The following PTPRT variants were observed in gnomAD, a reference collection of about 807,000 sequenced individuals.
PTPRT encodes receptor-type tyrosine-protein phosphatase T.
A neutral mutation model predicts 176.8 loss-of-function variants in PTPRT; 56 were observed. The ratio of observed to expected loss-of-function variants is 0.32; its 90% confidence interval spans 0.26 to 0.40. The LOEUF is 0.40. PTPRT is among the 10% of genes least tolerant of loss of function. The pLI is 1.00. For synonymous variants in PTPRT, 783 were observed against 739.0 expected (o/e 1.06, Z -0.96); for missense variants, 1,540 against 1,908.2 (o/e 0.81, Z 3.60).
In PTPRT at chr20:42,072,902, G is replaced by A. The variant is rs1395661646; in HGVS notation, c.*7977C>T. ...AGATTACACTTCACTGTAATGTACAGTCAAAAAATATATCTGATATTCATT... is the reference window on the plus strand; with the variant it reads ...AGATTACACTTCACTGTAATGTACAATCAAAAAATATATCTGATATTCATT... On this transcript the variant is annotated 3_prime_UTR_variant, in exon 31 of 31. Coordinates refer to ENST00000373187, the MANE Select transcript of PTPRT (RefSeq NM_007050.6). 4.5e-6 allele frequency: 1 copy of A among 223,124 alleles called. No individual in the cohort carries two copies. Among genetic ancestry groups the A allele is most frequent in the East Asian group, 6.5e-5 (1 of 15,360 alleles). The allele number at this position is 223,124 out of a possible 1,614,324, so 13.8% of individuals were successfully genotyped here.
intron 1 of PTPRT, among the ~76,000 whole-genome samples, chr20:42,938,053 A>G (rs1980305774): frequency 6.6e-6 from 1 of 152,208 alleles, no homozygotes; most frequent in African/African-American, 2.4e-5. Flanking sequence ...TTTATCAAAG[A>G]TCTTATCAAT....
intron 1 of PTPRT, among the ~76,000 whole-genome samples, chr20:43,005,500 G>A (rs1435083836): frequency 6.6e-6 from 1 of 152,056 alleles, no homozygotes. Context: ...TCTACTCCCT[G>A]GCCACTACAA....
chr20:43,131,785 G>C (rs1263485476), intron 1 of PTPRT, among the ~76,000 whole-genome samples: 1 of 152,086 alleles, frequency 6.6e-6, no homozygotes, highest in Non-Finnish European at 1.5e-5. Flanking sequence ...ATAGAAATTA[G>C]AAAAACATTT....
At chr20:42,370,721 C>A (rs534523633) in intron 9 of PTPRT, among the ~76,000 whole-genome samples, 7 of 152,308 alleles carry the variant, frequency 4.6e-5, no homozygotes, top group African/African-American at 1.4e-4. Context: ...TAAACACAAT[C>A]TATCCTTACT....
chr20:42,763,185 T>C (rs2076939308), intron 5 of PTPRT, among the ~76,000 whole-genome samples: 1 of 152,252 alleles, frequency 6.6e-6, no homozygotes, highest in Non-Finnish European at 1.5e-5. Flanking sequence ...CTTGCCATTT[T>C]GCAATTCCCC....
intron 1 of PTPRT, among the ~76,000 whole-genome samples, chr20:42,913,290 G>C (rs74345251): frequency 6.6e-6 from 1 of 152,172 alleles, no homozygotes; most frequent in African/African-American, 2.4e-5. Flanking sequence ...TGTGTCAGCA[G>C]GATTGACCCC....
At chr20:43,140,700 C>T (rs538781928) in intron 1 of PTPRT, among the ~76,000 whole-genome samples, 2 of 152,112 alleles carry the variant, frequency 1.3e-5, no homozygotes, top group South Asian at 2.1e-4. Flanking sequence ...TTATTAATGC[C>T]CCCATTCAGT....
the PTPRT span, among the ~76,000 whole-genome samples, chr20:42,054,034 A>G: frequency 6.6e-6 from 1 of 152,178 alleles, no homozygotes; most frequent in African/African-American, 2.4e-5. Context: ...AGTGAAGGTC[A>G]CTAGAACATC....
intron 6 of PTPRT, among the ~76,000 whole-genome samples, chr20:42,736,595 T>C (rs1047028846): frequency 6.6e-6 from 1 of 152,206 alleles, no homozygotes; most frequent in African/African-American, 2.4e-5. Context: ...GAAGTCACCT[T>C]GGATAACAAG....
At chr20:42,425,905 C>T (rs894498569) in intron 9 of PTPRT, among the ~76,000 whole-genome samples, 1 of 152,082 alleles carries the variant, frequency 6.6e-6, no homozygotes, top group Non-Finnish European at 1.5e-5. Context: ...TAAAGAGGAG[C>T]TTCTGGAAGG....
intron 1 of PTPRT, among the ~76,000 whole-genome samples, chr20:42,992,230 G>C (rs757954666): frequency 1.3e-5 from 2 of 152,212 alleles, no homozygotes; most frequent in African/African-American, 4.8e-5. Context: ...ATGATGTCAT[G>C]AGAGAAAGAA....
chr20:42,563,292 C>T lies in PTPRT; in HGVS notation c.1154-90730G>A, dbSNP rs1355210325. Among the ~76,000 whole-genome samples, 8 of 152,086 alleles carry T rather than the reference C, an allele frequency of 5.3e-5. No homozygotes were observed. The East Asian group carries it at 1.5e-3, about 29-fold the overall frequency. On this transcript the variant is annotated intron_variant, in intron 7 of 30. Coordinates refer to ENST00000373187, the MANE Select transcript of PTPRT (RefSeq NM_007050.6). ...GTCCAATAAGCAAGAAAAAGTTGCT[C>T]AACATAATCAATCAACAAAGAATAA...
At chr20:42,930,718 G>C (rs534992447) in intron 1 of PTPRT, among the ~76,000 whole-genome samples, 24 of 152,044 alleles carry the variant, frequency 1.6e-4, no homozygotes, top group Non-Finnish European at 5.9e-5. Flanking sequence ...AGCCTCATAT[G>C]ATCCTCCTGC....
chr20:42,732,198 T>C (rs933474511), intron 6 of PTPRT, among the ~76,000 whole-genome samples: 2 of 152,180 alleles, frequency 1.3e-5, no homozygotes, highest in Non-Finnish European at 2.9e-5. Flanking sequence ...TCCTCAGCCA[T>C]GATAACCACA....
At chr20:43,036,861 G>A (rs1467893212) in intron 1 of PTPRT, among the ~76,000 whole-genome samples, 2 of 152,054 alleles carry the variant, frequency 1.3e-5, no homozygotes, top group Admixed American at 6.5e-5. Flanking sequence ...TAAAAAAATG[G>A]TCAATCAACT....
chr20:42,737,595 G>C (rs1319981447), intron 6 of PTPRT, among the ~76,000 whole-genome samples: 4 of 150,360 alleles, frequency 2.7e-5, no homozygotes, highest in Non-Finnish European at 5.9e-5. Flanking sequence ...TCACACCATT[G>C]CACTCCAGCC....
intron 2 of PTPRT, among the ~76,000 whole-genome samples, chr20:42,847,370 C>T (rs1003792605): frequency 1.3e-5 from 2 of 152,186 alleles, no homozygotes; most frequent in Non-Finnish European, 2.9e-5. Context: ...AACACTCTTA[C>T]TCCCCGCCCC....
chr20:42,863,293 C>T lies in PTPRT; in HGVS notation c.214+22514G>A, dbSNP rs145286632. ...GAAGTGCCTACAGCAGCTGTGACCA[C>T]GAAGGACACCTATTTTCTTGCATCT... On this transcript the variant is annotated intron_variant, in intron 2 of 30. Coordinates refer to ENST00000373187, the MANE Select transcript of PTPRT (RefSeq NM_007050.6). Among the ~76,000 whole-genome samples, 6 of 151,782 alleles carry T rather than the reference C, an allele frequency of 4.0e-5. No homozygotes were observed. The East Asian group carries it at 5.8e-4, about 15-fold the overall frequency.
At chr20:42,562,113 C>A (rs1476012455) in intron 7 of PTPRT, among the ~76,000 whole-genome samples, 1 of 152,202 alleles carries the variant, frequency 6.6e-6, no homozygotes, top group Admixed American at 6.5e-5. Flanking sequence ...CCACTATTTT[C>A]TTCTGAGCTG....
Sources: allele counts gnomAD v4.1 joint callset (sites outside exome capture counted in the v4.1 genomes callset), GRCh38; gene constraint gnomAD v4.1.1; transcripts MANE v1.5; gene names NCBI Gene and HGNC (gene_info 2026-07-23, HGNC 2026-07-21).